The following SMYD2 variants were observed in gnomAD, a reference collection of about 807,000 sequenced individuals.
SMYD2 encodes SET and MYND domain containing 2.
Under a neutral mutation model 59.1 loss-of-function variants are expected in SMYD2, and 53 were observed. That is an observed-to-expected ratio of 0.90 (90% CI 0.72 to 1.13). The LOEUF (loss-of-function observed/expected upper bound fraction) is 1.13, where lower values mean the gene tolerates loss of function less well. SMYD2 is among the 50% of genes most tolerant of loss of function. SMYD2 has a pLI of 0.00. For synonymous variants in SMYD2, 208 were observed against 198.8 expected (o/e 1.05, Z -0.39); for missense variants, 494 against 544.7 (o/e 0.91, Z 0.93).
intron 5 of SMYD2, among the ~76,000 whole-genome samples, chr1:214,322,043 G>A (rs1657180376): frequency 1.3e-5 from 2 of 152,182 alleles, no homozygotes; most frequent in Non-Finnish European, 2.9e-5. Flanking sequence ...AGTCTGACTG[G>A]TCTAAGTGGG....
At chr1:214,327,508 TA>T in intron 6 of SMYD2, 113 bp from the exon 7 acceptor site, 1 of 847,618 alleles carries the variant, frequency 1.2e-6, no homozygotes, top group Non-Finnish European at 1.9e-6. Flanking sequence ...ATTAGATTTT[TA>T]AAAAATGTCT....
rs36187427 is a variant in SMYD2, at chr1:214,287,586, C to CAAAAAA, written c.173+6176_173+6181dup. On this transcript the variant is annotated intron_variant, in intron 1 of 11. Transcript: ENST00000366957. ...TGGGAGACAGAGTTAGACTATGTCT[C>CAAAAAA]AAAAAAAAAAAAAAAAAAAAAAGAT... Among the ~76,000 whole-genome samples the CAAAAAA allele has an allele frequency of 1.5e-3, 113 of 75,272 alleles. 1 individual carries two copies. The highest frequency in any genetic ancestry group is 1.7e-3 in the Non-Finnish European group (71 of 41,958). The allele number at this position is 75,272 out of a possible 152,430, so 49.4% of individuals were successfully genotyped here. A position where few individuals can be genotyped will look rare whatever the true frequency, so the allele number is the denominator to read the frequency against.
In SMYD2 at chr1:214,324,716, G is replaced by A. The variant is rs1467633728; in HGVS notation, c.602+8G>A. ...ATCAGCGATATTTCCTGAGTAGGCT[G>A]TGTTTGACTTCATTTCTTTCCTTTT... On this transcript the variant is annotated splice_region_variant and intron_variant, in intron 6 of 11. Coordinates refer to ENST00000366957, the MANE Select transcript of SMYD2 (RefSeq NM_020197.3). 1.2e-6 allele frequency: 2 copies of A among 1,605,152 alleles called. No homozygotes were observed. The highest frequency in any genetic ancestry group is 2.3e-5 in the South Asian group (2 of 88,368).
Position 214,305,169 on chromosome 1 carries a change from GC to G in SMYD2, c.174-15del. 6.2e-7 allele frequency: 1 copy of G among 1,612,788 alleles called. No homozygotes were observed. On this transcript the variant is annotated splice_polypyrimidine_tract_variant and intron_variant, in intron 1 of 11. Transcript: ENST00000366957. ...TTTCTGTGTCTGTCACCACTACAGT[GC>G]CCTTTCTGTTTTTAAGGAAAGAAGG...
chr1:214,300,023 A>G (rs186696600), intron 1 of SMYD2, among the ~76,000 whole-genome samples: 32 of 152,334 alleles, frequency 2.1e-4, no homozygotes, highest in African/African-American at 5.5e-4. Flanking sequence ...CTGAAAACCT[A>G]TGTATTGGGC....
chr1:214,303,449 ATACCC>A (rs2102462136), intron 1 of SMYD2, among the ~76,000 whole-genome samples: 1 of 152,322 alleles, frequency 6.6e-6, no homozygotes, highest in African/African-American at 2.4e-5. Flanking sequence ...CCCTTCAGAT[ATACCC>A]TAGGGGATAG....
rs912119693 is a variant in SMYD2, at chr1:214,327,148, C to T, written c.603-474C>T. ...CTCAGACGGGTGTCTCCGGGTCTCT[C>T]AGGGGATCACACACCCTTCCTCCCT... is the stretch of plus-strand genomic sequence containing the variant. On this transcript the variant is annotated intron_variant, in intron 6 of 11. Coordinates refer to ENST00000366957, the MANE Select transcript of SMYD2 (RefSeq NM_020197.3). Among the ~76,000 whole-genome samples, 8 of 152,196 alleles carry T rather than the reference C, an allele frequency of 5.3e-5. No individual in the cohort carries two copies. The East Asian group carries it at 1.5e-3, about 29-fold the overall frequency.
intron 9 of SMYD2, 30 bp from the exon 10 acceptor site, chr1:214,331,988 C>T (rs542270134): frequency 1.3e-6 from 2 of 1,599,182 alleles, no homozygotes; most frequent in African/African-American, 2.7e-5. Flanking sequence ...CAGCTTGGGC[C>T]CGGTGGCCCT....
At chr1:214,327,500 T>C in intron 6 of SMYD2, 122 bp from the exon 7 acceptor site, 1 of 767,984 alleles carries the variant, frequency 1.3e-6, no homozygotes. Context: ...AGCCAACTAT[T>C]AGATTTTTAA....
intron 3 of SMYD2, among the ~76,000 whole-genome samples, chr1:214,315,409 G>A (rs1052761231): frequency 2.0e-5 from 3 of 152,026 alleles, no homozygotes; most frequent in African/African-American, 7.3e-5. Flanking sequence ...CAAGGGAGAG[G>A]GGAAGAGAGT....
intron 10 of SMYD2, 154 bp downstream of exon 10, chr1:214,332,346 G>T: frequency 2.4e-6 from 2 of 840,546 alleles, no homozygotes. Flanking sequence ...GCAGGGCACT[G>T]CTCCCGAGTC....
At chr1:214,330,113 C>G in intron 7 of SMYD2, 55 bp from the exon 8 acceptor site, 1 of 1,241,804 alleles carries the variant, frequency 8.1e-7, no homozygotes, top group Non-Finnish European at 1.1e-6. Context: ...ACGGGAATGA[C>G]AAGGATTGAG....
chr1:214,290,660 C>T (rs541216694), intron 1 of SMYD2, among the ~76,000 whole-genome samples: 1 of 152,272 alleles, frequency 6.6e-6, no homozygotes, highest in South Asian at 2.1e-4. Flanking sequence ...AAGTGAAATT[C>T]ACACAGGGCT....
intron 7 of SMYD2, among the ~76,000 whole-genome samples, chr1:214,329,723 C>T (rs1364624441): frequency 6.6e-6 from 1 of 152,196 alleles, no homozygotes; most frequent in East Asian, 1.9e-4. Flanking sequence ...AGCTTAGCTG[C>T]ATGTGTGTGG....
chr1:214,301,004 A>G (rs1656814684), intron 1 of SMYD2, among the ~76,000 whole-genome samples: 1 of 152,234 alleles, frequency 6.6e-6, no homozygotes, highest in South Asian at 2.1e-4. Flanking sequence ...ATGAAGGTTT[A>G]TTCATTTTAA....
chr1:214,322,532 A>T lies in SMYD2; in HGVS notation c.535-2109A>T, dbSNP rs185914233. 7.9e-5 allele frequency among the ~76,000 whole-genome samples: 12 copies of T among 152,332 alleles called. No homozygotes were observed. The East Asian group carries it at 1.9e-3, about 25-fold the overall frequency. ...TTTTCTGCTTTTTGTGTTGAATTGT[A>T]AATACTGCAAGTCAAACCCATCATA... On this transcript the variant is annotated intron_variant, in intron 5 of 11. Transcript: ENST00000366957.
chr1:214,328,690 C>T (rs1446148234), intron 7 of SMYD2, among the ~76,000 whole-genome samples: 1 of 152,202 alleles, frequency 6.6e-6, no homozygotes, highest in East Asian at 1.9e-4. Context: ...ATGACAAGTG[C>T]TTTGCTTTCT....
chr1:214,327,975 T>A (rs1203205021), intron 7 of SMYD2, among the ~76,000 whole-genome samples: 1 of 152,190 alleles, frequency 6.6e-6, no homozygotes, highest in African/African-American at 2.4e-5. Context: ...CAGGAAGTAA[T>A]AAATTTGAGT....
chr1:214,314,993 A>G (rs904786394), intron 3 of SMYD2, 121 bp downstream of exon 3: 3 of 735,826 alleles, frequency 4.1e-6, no homozygotes, highest in Non-Finnish European at 7.0e-6. Flanking sequence ...TACATTTCCT[A>G]TCATATCCAT....
Sources: gnomAD v4.1 joint callset for allele counts (sites outside exome capture counted in the v4.1 genomes callset) on GRCh38, gnomAD v4.1.1 for gene constraint, MANE v1.5 for transcripts, NCBI Gene and HGNC (gene_info 2026-07-23, HGNC 2026-07-21) for gene names.